MGRN1: variants seen among roughly 807,000 people sequenced by gnomAD.
MGRN1 encodes E3 ubiquitin-protein ligase MGRN1.
In MGRN1, 29 loss-of-function variants were observed where a neutral mutation model predicts 69.2. That is an observed-to-expected ratio of 0.42 (90% CI 0.31 to 0.57). The LOEUF is 0.57. Among genes scored for constraint, MGRN1 ranks in the 20% least tolerant of loss-of-function variants. The pLI, the probability that MGRN1 is intolerant of heterozygous loss-of-function variation, is 0.15. For synonymous variants in MGRN1, 470 were observed against 344.2 expected (o/e 1.37, Z -4.04); for missense variants, 998 against 796.2 (o/e 1.25, Z -3.05).
chr16:4,683,902 C>G lies in MGRN1; in HGVS notation c.1588C>G (p.Arg530Gly). 6.2e-7 allele frequency: 1 copy of G among 1,611,174 alleles called. No homozygotes were observed. Among genetic ancestry groups the G allele is most frequent in the Non-Finnish European group, 8.5e-7 (1 of 1,178,898 alleles). The change falls in exon 16 of 17, where the codon CGA (arginine) becomes GGA (glycine). Residue 530 changes from arginine to glycine, a missense_variant. Transcript: ENST00000262370. ...GGACAGCAGCCCCGAGCACTGTGGC[C>G]GAGGCCCACCTGCTGACATCTACCT... ...LQDSSPEHCG[R>G]GPPADIYLPG... is the part of the protein sequence containing the mutation.
Position 4,650,476 on chromosome 16 carries a change from C to A in MGRN1, c.200C>A (p.Pro67Gln). 5.6e-6 allele frequency: 9 copies of A among 1,613,242 alleles called. No homozygotes were observed. The highest frequency in any genetic ancestry group is 2.2e-5 in the South Asian group (2 of 90,898). ...NMDLNFLGSR[P>Q]VQFPYVTPAP... ...GATCTGAACTTCCTGGGCAGCCGCCCGGTCCAGGTGGGTCTGGACAGGGCT... is the reference window on the plus strand; with the variant it reads ...GATCTGAACTTCCTGGGCAGCCGCCAGGTCCAGGTGGGTCTGGACAGGGCT... The change falls in exon 2 of 17, where the codon CCG (proline) becomes CAG (glutamine). Residue 67 changes from proline to glutamine, a missense_variant. By Grantham distance (76) the Pro-to-Gln change is moderately conservative. Transcript: ENST00000262370.
chr16:4,686,171 C>G, intron 16 of MGRN1: 1 of 1,474,156 alleles, frequency 6.8e-7, no homozygotes, highest in South Asian at 1.2e-5. Flanking sequence ...TCGACCGTGT[C>G]CCCAAGCTGG....
At chr16:4,678,225 C>T (rs2079095978) in intron 11 of MGRN1, among the ~76,000 whole-genome samples, 1 of 152,242 alleles carries the variant, frequency 6.6e-6, no homozygotes, top group Non-Finnish European at 1.5e-5. Flanking sequence ...TCCTCCCACG[C>T]TCCAGGCCCA....
chr16:4,675,531 G>C (rs1395459765), intron 10 of MGRN1, among the ~76,000 whole-genome samples: 1 of 152,110 alleles, frequency 6.6e-6, no homozygotes, highest in African/African-American at 2.4e-5. Context: ...TTGAGCCCAA[G>C]AGTTCGAGAC....
chr16:4,648,353 C>T (rs533034426), intron 1 of MGRN1, among the ~76,000 whole-genome samples: 61 of 135,804 alleles, frequency 4.5e-4, no homozygotes, highest in Non-Finnish European at 5.4e-4. Context: ...GGACTCTTCC[C>T]GTGGTCACCC....
chr16:4,634,977 G>A (rs1010122652), intron 1 of MGRN1: 6 of 152,210 alleles, frequency 3.9e-5, no homozygotes, highest in African/African-American at 1.4e-4. Context: ...CTCTCGCCCC[G>A]CGGAACAGAT....
chr16:4,677,521 C>G lies in MGRN1; in HGVS notation c.1014C>G (p.Pro338=), dbSNP rs375465698. ...AVRKKPGALS[P]VSFSPVLAQS... ...GGAAGAAGCCAGGAGCCCTGTCCCC[C>G]GTGTCCTTCAGCCCCGTCCTGGCCC... The change falls in exon 11 of 17, where the codon CCC becomes CCG. Residue 338 remains proline, a synonymous_variant. Coordinates refer to ENST00000262370, the MANE Select transcript of MGRN1 (RefSeq NM_015246.4). 1.9e-6 allele frequency: 3 copies of G among 1,597,770 alleles called. No individual in the cohort carries two copies. Among genetic ancestry groups the G allele is most frequent in the Non-Finnish European group, 2.5e-6 (3 of 1,178,114 alleles).
intron 1 of MGRN1, among the ~76,000 whole-genome samples, chr16:4,645,894 C>T (rs1335431495): frequency 6.6e-6 from 1 of 152,162 alleles, no homozygotes; most frequent in Non-Finnish European, 1.5e-5. Flanking sequence ...TGGGCACAGT[C>T]ACAGGGCAGA....
At chr16:4,636,843 G>T (rs115204182) in intron 1 of MGRN1, among the ~76,000 whole-genome samples, 4,143 of 152,234 alleles carry the variant, frequency 0.027, 206 homozygotes, top group African/African-American at 0.096. Context: ...TGAGTGGCCA[G>T]GCTCAGTGGC....
intron 1 of MGRN1, among the ~76,000 whole-genome samples, chr16:4,629,037 A>T (rs1422016393): frequency 6.6e-6 from 1 of 151,808 alleles, no homozygotes; most frequent in Non-Finnish European, 1.5e-5. Context: ...GGGTTTCACT[A>T]TGTTGGGAAG....
At chr16:4,670,583 A>G (rs1194253576) in intron 8 of MGRN1, among the ~76,000 whole-genome samples, 1 of 152,232 alleles carries the variant, frequency 6.6e-6, no homozygotes, top group Non-Finnish European at 1.5e-5. Context: ...GTCCAGGTGC[A>G]GTGGCTTATG....
At chr16:4,676,707 G>A (rs1027014658) in intron 10 of MGRN1, among the ~76,000 whole-genome samples, 5 of 152,138 alleles carry the variant, frequency 3.3e-5, no homozygotes, top group East Asian at 1.9e-4. Context: ...GTCACTAAAG[G>A]TGTCTCAGGA....
chr16:4,681,585 C>G lies in MGRN1; in HGVS notation c.1167C>G (p.Ile389Met). The G allele has an allele frequency of 6.2e-7, 1 of 1,613,510 alleles. No individual in the cohort carries two copies. The highest frequency in any genetic ancestry group is 8.5e-7 in the Non-Finnish European group (1 of 1,179,962). The change falls in exon 13 of 17, where the codon ATC (isoleucine) becomes ATG (methionine). Residue 389 changes from isoleucine (I) to methionine (M), a missense_variant. Physicochemically the swap from Ile to Met is conservative, Grantham distance 10. Coordinates refer to ENST00000262370, the MANE Select transcript of MGRN1 (RefSeq NM_015246.4). ...GCGTCCCACCTGGCTACGAGCCCAT[C>G]TCGCTGCTCGAGGCGCTCAACGGCC... Reference protein sequence around the residue: ...SDSVPPGYEPISLLEALNGLR... With the variant: ...SDSVPPGYEPMSLLEALNGLR...
chr16:4,624,892 G>A lies in MGRN1; in HGVS notation c.-69G>A. ...GCGGCCTGGTCCGGGCCATGTCCGC[G>A]TGAGGACCCCGCCGCTGTCGCCGCT... On this transcript the variant is annotated 5_prime_UTR_variant, in exon 1 of 17. It adds an upstream start codon to the 5' untranslated region. Transcript: ENST00000262370. 7.2e-7 allele frequency: 1 copy of A among 1,379,420 alleles called. No individual in the cohort carries two copies. Among genetic ancestry groups the A allele is most frequent in the Middle Eastern group, 1.8e-4 (1 of 5,416 alleles). 85.4% of individuals were successfully genotyped at this position (1,379,420 alleles called of 1,614,324 possible).
At chr16:4,687,170 T>TA in intron 16 of MGRN1, 2 of 984,438 alleles carry the variant, frequency 2.0e-6, no homozygotes, top group Non-Finnish European at 2.4e-6. Flanking sequence ...ACACCAGCAC[T>TA]AAAAGATAGG....
In MGRN1 at chr16:4,689,384, C is replaced by T. The variant is rs1248104617; in HGVS notation, c.*476C>T. ...GAAGGAAACAGTGCCTGTCCACCCA[C>T]CCTGCGTGTCACTGTGGCGGCCTGG... On this transcript the variant is annotated 3_prime_UTR_variant, in exon 17 of 17. Transcript: ENST00000262370. The T allele has an allele frequency of 6.5e-6, 1 of 154,914 alleles. No homozygotes were observed. The highest frequency in any genetic ancestry group is 6.5e-5 in the Admixed American group (1 of 15,434). 9.6% of individuals were successfully genotyped at this position (154,914 alleles called of 1,614,324 possible).
Position 4,677,635 on chromosome 16 carries a change from C to G in MGRN1, c.1065+63C>G, listed in dbSNP as rs878855561. ...GGGGCATGAGTGCCTGGGCCAGGCGCAAGGCCCAGACGGTCCAGCCAGCAG... is the reference window on the plus strand; with the variant it reads ...GGGGCATGAGTGCCTGGGCCAGGCGGAAGGCCCAGACGGTCCAGCCAGCAG... On this transcript the variant is annotated intron_variant, in intron 11 of 16. Transcript: ENST00000262370. The G allele has an allele frequency of 2.4e-5, 36 of 1,495,804 alleles. No individual in the cohort carries two copies. The South Asian group carries it at 4.0e-4, about 17-fold the overall frequency. 92.7% of individuals were successfully genotyped at this position (1,495,804 alleles called of 1,614,324 possible). A position where few individuals can be genotyped will look rare whatever the true frequency, so the allele number is the denominator to read the frequency against.
chr16:4,683,611 A>G (rs887593093), intron 15 of MGRN1, among the ~76,000 whole-genome samples: 30 of 151,518 alleles, frequency 2.0e-4, no homozygotes, highest in Admixed American at 6.6e-4. Flanking sequence ...AAAAAAGGGG[A>G]AAAAAAAGCC....
chr16:4,639,632 C>T (rs565298793), intron 1 of MGRN1, among the ~76,000 whole-genome samples: 7 of 152,202 alleles, frequency 4.6e-5, no homozygotes, highest in Middle Eastern at 3.4e-3. Flanking sequence ...GGATGAGGAA[C>T]GCCTGCCTGT....
Sources: allele counts gnomAD v4.1 joint callset (sites outside exome capture counted in the v4.1 genomes callset), GRCh38; gene constraint gnomAD v4.1.1; transcripts MANE v1.5; gene names NCBI Gene and HGNC (gene_info 2026-07-23, HGNC 2026-07-21).